Variants in PALLD observed in about 807,000 individuals in gnomAD.
PALLD encodes palladin, cytoskeletal associated protein, also known as palladin.
A neutral mutation model predicts 123.5 loss-of-function variants in PALLD; 61 were observed. The observed-to-expected ratio is 0.49, with a 90% CI of 0.40 to 0.61. The LOEUF is 0.61. Among genes scored for constraint, PALLD ranks in the 20% least tolerant of loss-of-function variants. The pLI is 0.00. For synonymous variants in PALLD, 465 were observed against 496.4 expected, an observed-to-expected ratio of 0.94 and a Z score of 0.84; for missense variants, 1,273 against 1,377.0, an observed-to-expected ratio of 0.92 and a Z score of 1.20.
chr4:168,790,607 C>T (rs906870923), intron 10 of PALLD, among the ~76,000 whole-genome samples: 9 of 152,108 alleles, frequency 5.9e-5, no homozygotes, highest in African/African-American at 2.2e-4. Flanking sequence ...TTATCATTCT[C>T]GAAATTATTC....
intron 2 of PALLD, among the ~76,000 whole-genome samples, chr4:168,592,240 C>T (rs887002043): frequency 6.6e-6 from 1 of 151,842 alleles, no homozygotes; most frequent in Non-Finnish European, 1.5e-5. Flanking sequence ...TGGTCAGGCT[C>T]GTGTCGAACT....
chr4:168,647,096 A>G (rs1777538055), intron 2 of PALLD, among the ~76,000 whole-genome samples: 1 of 152,246 alleles, frequency 6.6e-6, no homozygotes, highest in Non-Finnish European at 1.5e-5. Flanking sequence ...AAAAATAGTT[A>G]TCTTTCCTTC....
intron 15 of PALLD, among the ~76,000 whole-genome samples, chr4:168,907,983 C>G (rs1295577475): frequency 6.6e-6 from 1 of 152,144 alleles, no homozygotes; most frequent in Non-Finnish European, 1.5e-5. Context: ...TCTTCTTTAC[C>G]TAAATAACCC....
intron 10 of PALLD, among the ~76,000 whole-genome samples, chr4:168,794,490 GCACGCACACACACACGCA>G (rs1738149015): frequency 7.3e-6 from 1 of 136,850 alleles, no homozygotes; most frequent in African/African-American, 3.0e-5. Context: ...ACACACACAT[GCACGCACACACACACGCA>G]CACACACACA....
chr4:168,719,977 C>T (rs1401568836), intron 10 of PALLD, among the ~76,000 whole-genome samples: 1 of 152,126 alleles, frequency 6.6e-6, no homozygotes, highest in African/African-American at 2.4e-5. Context: ...ATCCAGTCTA[C>T]CATTGATGGG....
At chr4:168,697,774 A>T (rs1783276609) in intron 8 of PALLD, among the ~76,000 whole-genome samples, 2 of 152,230 alleles carry the variant, frequency 1.3e-5, no homozygotes, top group South Asian at 4.1e-4. Context: ...GAGCAGTAGG[A>T]TATAAGTAAC....
intron 2 of PALLD, among the ~76,000 whole-genome samples, chr4:168,576,056 A>T (rs1034700351): frequency 6.6e-6 from 1 of 152,150 alleles, no homozygotes; most frequent in African/African-American, 2.4e-5. Context: ...TGGAATTTTC[A>T]TATAAATATA....
At chr4:168,513,363 A>G (rs1269350552) in intron 2 of PALLD, among the ~76,000 whole-genome samples, 11 of 152,166 alleles carry the variant, frequency 7.2e-5, no homozygotes, top group Non-Finnish European at 1.3e-4. Context: ...GTTAATAGGC[A>G]CTCATACCAC....
chr4:168,706,059 A>G (rs1784199989), intron 8 of PALLD, among the ~76,000 whole-genome samples: 1 of 152,196 alleles, frequency 6.6e-6, no homozygotes, highest in Non-Finnish European at 1.5e-5. Context: ...TTAAGTATAC[A>G]CTACAGTATT....
At chr4:168,860,457 T>C (rs1222325985) in intron 10 of PALLD, among the ~76,000 whole-genome samples, 1 of 152,216 alleles carries the variant, frequency 6.6e-6, no homozygotes, top group Non-Finnish European at 1.5e-5. Context: ...GGAGTACTCT[T>C]CTTGCTCACT....
chr4:168,707,300 G>A (rs1784320729), intron 8 of PALLD, among the ~76,000 whole-genome samples: 1 of 152,204 alleles, frequency 6.6e-6, no homozygotes, highest in Non-Finnish European at 1.5e-5. Context: ...ATAATTCGGT[G>A]GGTGAACTAT....
At position 168,878,285 on chromosome 4, in the gene PALLD, C is replaced by T; in HGVS notation, c.1965-12637C>T. Reference sequence around the variant, plus strand: ...GTCCCACTGCTCGTCGCCTGCCACCCGCTTCGGCCACAGCCAGACGCCCGC... The same window carrying T: ...GTCCCACTGCTCGTCGCCTGCCACCTGCTTCGGCCACAGCCAGACGCCCGC... On this transcript the variant is annotated intron_variant, in intron 10 of 21. Coordinates refer to ENST00000505667, the MANE Select transcript of PALLD (RefSeq NM_001166108.2). The T allele has an allele frequency of 6.5e-7, 1 of 1,527,258 alleles. No individual in the cohort carries two copies. The highest frequency in any genetic ancestry group is 8.7e-7 in the Non-Finnish European group (1 of 1,143,870). The allele number at this position is 1,527,258 out of a possible 1,614,324, so 94.6% of individuals were successfully genotyped here. A position where few individuals can be genotyped will look rare whatever the true frequency, so the allele number is the denominator to read the frequency against.
chr4:168,830,708 T>C (rs368009909), intron 10 of PALLD, among the ~76,000 whole-genome samples: 1 of 152,166 alleles, frequency 6.6e-6, no homozygotes, highest in East Asian at 1.9e-4. Context: ...CAATATTTGG[T>C]TTTTAATATT....
At position 168,896,536 on chromosome 4, in the gene PALLD, T is replaced by C. The variant is rs1755214662; in HGVS notation, c.2200-13T>C. 4.2e-6 allele frequency: 6 copies of C among 1,439,242 alleles called. No homozygotes were observed. Among genetic ancestry groups the C allele is most frequent in the Non-Finnish European group, 3.8e-6 (4 of 1,057,924 alleles). The allele number at this position is 1,439,242 out of a possible 1,614,324, so 89.2% of individuals were successfully genotyped here. On this transcript the variant is annotated splice_polypyrimidine_tract_variant and intron_variant, in intron 12 of 21. Coordinates refer to ENST00000505667, the MANE Select transcript of PALLD (RefSeq NM_001166108.2). The stretch of plus-strand genomic sequence containing the variant: ...TATTATTAGTCTTCACATCTTTTTT[T>C]CTACCATTACAGGACATTGGTTCTC...
intron 10 of PALLD, among the ~76,000 whole-genome samples, chr4:168,734,843 G>T (rs1581201094): frequency 1.3e-5 from 2 of 152,192 alleles, no homozygotes; most frequent in East Asian, 3.9e-4. Context: ...AAGATCACTT[G>T]AGCCCAGGAG....
chr4:168,515,988 C>A (rs1762954122), intron 2 of PALLD, among the ~76,000 whole-genome samples: 1 of 152,194 alleles, frequency 6.6e-6, no homozygotes, highest in Admixed American at 6.5e-5. Flanking sequence ...CCAGGCCAGT[C>A]ACTTCAAGGC....
At chr4:168,823,613 G>A (rs1743027584) in intron 10 of PALLD, among the ~76,000 whole-genome samples, 1 of 152,078 alleles carries the variant, frequency 6.6e-6, no homozygotes, top group Non-Finnish European at 1.5e-5. Flanking sequence ...CCAGAAGATG[G>A]AGACTGCAAT....
intron 1 of PALLD, among the ~76,000 whole-genome samples, chr4:168,510,154 G>A (rs12510836): frequency 5.3e-5 from 8 of 151,906 alleles, no homozygotes; most frequent in African/African-American, 1.5e-4. Flanking sequence ...TTTCTAGATC[G>A]TCCCTCTCAG....
chr4:168,502,519 G>A (rs1018579187), intron 1 of PALLD, among the ~76,000 whole-genome samples: 11 of 152,094 alleles, frequency 7.2e-5, no homozygotes, highest in Admixed American at 4.6e-4. Flanking sequence ...ATTTAGCACT[G>A]ATTACTCTAT....
Sources: gnomAD v4.1 joint callset for allele counts (sites outside exome capture counted in the v4.1 genomes callset) on GRCh38, gnomAD v4.1.1 for gene constraint, MANE v1.5 for transcripts, NCBI Gene and HGNC (gene_info 2026-07-23, HGNC 2026-07-21) for gene names.